The following COMMD10 variants were observed in gnomAD, a reference collection of about 807,000 sequenced individuals.
COMMD10 encodes the protein COMM domain containing 10, also known as COMM domain-containing protein 10.
In COMMD10, 33 loss-of-function variants were observed where a neutral mutation model predicts 28.9. That is an observed-to-expected ratio of 1.14 (90% CI 0.87 to 1.53). COMMD10 has a LOEUF of 1.53. Ranked by LOEUF, COMMD10 falls within the 40% of genes most tolerant of loss-of-function variation. COMMD10 has a pLI of 0.00. For missense variants in COMMD10, 310 were observed against 233.4 expected, an observed-to-expected ratio of 1.33 and a Z score of -2.14; for synonymous variants, 110 against 81.7, an observed-to-expected ratio of 1.35 and a Z score of -1.87.
intron 5 of COMMD10, among the ~76,000 whole-genome samples, chr5:116,233,187 A>G (rs917215730): frequency 6.6e-6 from 1 of 152,150 alleles, no homozygotes; most frequent in Admixed American, 6.5e-5. Context: ...AGGTGAGTAC[A>G]GTACAATAAG....
intron 5 of COMMD10, among the ~76,000 whole-genome samples, chr5:116,153,639 T>A (rs932579601): frequency 7.2e-5 from 11 of 152,160 alleles, no homozygotes; most frequent in South Asian, 2.1e-4. Context: ...GTGAGTTACT[T>A]CTTTTATTGG....
intron 5 of COMMD10, among the ~76,000 whole-genome samples, chr5:116,270,567 A>T (rs543104761): frequency 2.0e-5 from 3 of 151,994 alleles, no homozygotes; most frequent in African/African-American, 7.3e-5. Flanking sequence ...GAGTGCTTAG[A>T]TTAGGTAGTG....
intron 5 of COMMD10, among the ~76,000 whole-genome samples, chr5:116,258,028 G>T (rs1050093674): frequency 1.3e-5 from 2 of 151,644 alleles, no homozygotes; most frequent in Non-Finnish European, 2.9e-5. Flanking sequence ...TCCAGGAATG[G>T]TATAATGGTG....
At chr5:116,177,046 G>A (rs1409228735) in intron 5 of COMMD10, among the ~76,000 whole-genome samples, 1 of 152,116 alleles carries the variant, frequency 6.6e-6, no homozygotes, top group Non-Finnish European at 1.5e-5. Flanking sequence ...AATCTTTTGG[G>A]GGTGCAGTCA....
intron 5 of COMMD10, among the ~76,000 whole-genome samples, chr5:116,286,191 G>A (rs540133149): frequency 3.3e-5 from 5 of 151,260 alleles, no homozygotes; most frequent in Non-Finnish European, 7.4e-5. Context: ...TATTTCTATG[G>A]CATCTGTTAT....
chr5:116,262,866 A>G (rs1011478068), intron 5 of COMMD10, among the ~76,000 whole-genome samples: 5 of 151,816 alleles, frequency 3.3e-5, no homozygotes, highest in African/African-American at 1.2e-4. Flanking sequence ...CACTGTAAGT[A>G]TTATCAGGCA....
At chr5:116,176,028 G>A (rs1753498150) in intron 5 of COMMD10, among the ~76,000 whole-genome samples, 1 of 148,894 alleles carries the variant, frequency 6.7e-6, no homozygotes, top group South Asian at 2.1e-4. Context: ...CAAATTTTAT[G>A]TTATGTATAT....
intron 5 of COMMD10, among the ~76,000 whole-genome samples, chr5:116,198,211 T>G (rs1748579748): frequency 6.6e-6 from 1 of 152,168 alleles, no homozygotes; most frequent in Non-Finnish European, 1.5e-5. Flanking sequence ...GTTTTTCCCT[T>G]TTTGTATGCC....
intron 5 of COMMD10, among the ~76,000 whole-genome samples, chr5:116,142,585 T>C (rs1752227982): frequency 6.6e-6 from 1 of 151,802 alleles, no homozygotes; most frequent in Admixed American, 6.6e-5. Flanking sequence ...GAAGATTTCT[T>C]AGCTTCTAGA....
At chr5:116,192,041 C>A (rs1475238849) in intron 5 of COMMD10, among the ~76,000 whole-genome samples, 1 of 147,104 alleles carries the variant, frequency 6.8e-6, no homozygotes, top group Non-Finnish European at 1.5e-5. Context: ...GACTCGGTGG[C>A]TAGACCCAGA....
intron 5 of COMMD10, among the ~76,000 whole-genome samples, chr5:116,279,722 A>G (rs1299276773): frequency 6.6e-6 from 1 of 151,854 alleles, no homozygotes; most frequent in Admixed American, 6.6e-5. Context: ...ATGTTTGTAA[A>G]ATGCTCACAG....
At chr5:116,188,388 C>G (rs771882771) in intron 5 of COMMD10, 6 of 151,968 alleles carry the variant, frequency 3.9e-5, no homozygotes, top group Non-Finnish European at 7.4e-5. Context: ...CCTCTGTTCT[C>G]CCAACAATTG....
At chr5:116,205,602 A>G (rs920669306) in intron 5 of COMMD10, among the ~76,000 whole-genome samples, 6 of 152,138 alleles carry the variant, frequency 3.9e-5, no homozygotes, top group African/African-American at 1.4e-4. Flanking sequence ...ATCTGTGTGT[A>G]TGTACACATA....
intron 4 of COMMD10, among the ~76,000 whole-genome samples, chr5:116,124,284 G>T (rs1261809016): frequency 6.6e-6 from 1 of 152,058 alleles, no homozygotes; most frequent in Non-Finnish European, 1.5e-5. Flanking sequence ...GTTCTTATTG[G>T]ATTCAAAGAA....
chr5:116,168,478 C>T (rs181205479), intron 5 of COMMD10, among the ~76,000 whole-genome samples: 163 of 152,264 alleles, frequency 1.1e-3, no homozygotes, highest in Admixed American at 2.5e-3. Flanking sequence ...CTGGACCAAG[C>T]AGACCTAATA....
At chr5:116,200,588 T>C (rs1748641712) in intron 5 of COMMD10, among the ~76,000 whole-genome samples, 1 of 152,208 alleles carries the variant, frequency 6.6e-6, no homozygotes, top group South Asian at 2.1e-4. Flanking sequence ...GTGCCACATT[T>C]CCTCCTGGGT....
At chr5:116,102,400 G>A (rs1407282994) in intron 4 of COMMD10, among the ~76,000 whole-genome samples, 1 of 152,072 alleles carries the variant, frequency 6.6e-6, no homozygotes, top group Non-Finnish European at 1.5e-5. Context: ...TTTCTAGTCT[G>A]TTCTCTTGAT....
Position 116,173,929 on chromosome 5 carries a change from A to C in COMMD10, c.510+39751A>C, listed in dbSNP as rs184952867. On this transcript the variant is annotated intron_variant, in intron 5 of 6. Transcript: ENST00000274458. ...TTAATTCTTTATTCAACAAACATCT[A>C]TTGAAAATATGCCATGTGCCATATA... Among the ~76,000 whole-genome samples the C allele has an allele frequency of 1.1e-4, 17 of 151,302 alleles. No homozygotes were observed. The East Asian group carries it at 3.1e-3, about 28-fold the overall frequency.
chr5:116,287,220 A>G (rs1751240905), intron 5 of COMMD10, among the ~76,000 whole-genome samples: 1 of 151,734 alleles, frequency 6.6e-6, no homozygotes, highest in African/African-American at 2.4e-5. Context: ...AACTGTGACA[A>G]CATTGAGAAC....
Sources: allele counts gnomAD v4.1 joint callset (sites outside exome capture counted in the v4.1 genomes callset), GRCh38; gene constraint gnomAD v4.1.1; transcripts MANE v1.5; gene names NCBI Gene and HGNC (gene_info 2026-07-23, HGNC 2026-07-21).